Variants in CSMD1 observed in about 807,000 individuals in gnomAD.
The protein encoded by CSMD1 is CUB and sushi domain-containing protein 1.
In CSMD1, 213 loss-of-function variants were observed where a neutral mutation model predicts 417.5. The observed-to-expected ratio is 0.51, with a 90% confidence interval of 0.46 to 0.57. The LOEUF is 0.57. CSMD1 is among the 20% of genes least tolerant of loss of function. CSMD1 has a pLI of 0.00. For missense variants in CSMD1, 6,923 were observed against 4,529.7 expected (o/e 1.53, Z -15.17); for synonymous variants, 2,862 against 1,736.8 (o/e 1.65, Z -16.11).
At chr8:4,737,323 T>C (rs1212438223) in intron 1 of CSMD1, among the ~76,000 whole-genome samples, 1 of 151,752 alleles carries the variant, frequency 6.6e-6, no homozygotes, top group Non-Finnish European at 1.5e-5. Context: ...CAACACACCC[T>C]GGGATCTTTC....
chr8:3,230,121 G>C lies in CSMD1; in HGVS notation c.4264C>G (p.Gln1422Glu), dbSNP rs1440669985. 5.0e-6 allele frequency: 8 copies of C among 1,613,588 alleles called. No homozygotes were observed. Among genetic ancestry groups the C allele is most frequent in the Non-Finnish European group, 6.8e-6 (8 of 1,179,762 alleles). Residue 1422 changes from glutamine to glutamate, a missense_variant, in exon 27 of 70, where the codon CAG becomes GAG. Physicochemically the swap from Gln to Glu is conservative, Grantham distance 29. Transcript: ENST00000635120. ...GTGATTTTGGCTTGTCCTTGGAGCT[G>C]ATAGCCAGGGTCACACTGGAATGTG... Reference protein sequence around the residue: ...TVTFQCDPGYQLQGQAKITCV... With the variant: ...TVTFQCDPGYELQGQAKITCV...
intron 6 of CSMD1, among the ~76,000 whole-genome samples, chr8:3,739,375 C>T (rs966976016): frequency 3.3e-5 from 5 of 152,266 alleles, no homozygotes; most frequent in Non-Finnish European, 7.4e-5. Flanking sequence ...ACTTATTACA[C>T]GTTTACAAAT....
chr8:4,025,119 T>G (rs1019840473), intron 4 of CSMD1, among the ~76,000 whole-genome samples: 1 of 152,234 alleles, frequency 6.6e-6, no homozygotes, highest in South Asian at 2.1e-4. Flanking sequence ...CCGAAGGGGC[T>G]GCAAGAGATG....
chr8:3,665,125 G>T (rs941628432), intron 7 of CSMD1, among the ~76,000 whole-genome samples: 1 of 152,116 alleles, frequency 6.6e-6, no homozygotes. Context: ...AGTTTCAGGT[G>T]ATTAGGAATT....
chr8:3,378,978 G>C (rs773542083), intron 18 of CSMD1, among the ~76,000 whole-genome samples: 1 of 152,216 alleles, frequency 6.6e-6, no homozygotes, highest in Non-Finnish European at 1.5e-5. Context: ...GAGATGACAT[G>C]ATTGTATATT....
At chr8:3,912,690 T>G (rs541320039) in intron 5 of CSMD1, among the ~76,000 whole-genome samples, 1 of 152,146 alleles carries the variant, frequency 6.6e-6, no homozygotes, top group Non-Finnish European at 1.5e-5. Context: ...GAGAAATACA[T>G]GCAGAATACG....
intron 17 of CSMD1, among the ~76,000 whole-genome samples, chr8:3,395,184 G>A (rs778669806): frequency 6.6e-6 from 1 of 152,006 alleles, no homozygotes; most frequent in African/African-American, 2.4e-5. Flanking sequence ...CATACGTGTG[G>A]GTATATGTAA....
intron 12 of CSMD1, among the ~76,000 whole-genome samples, chr8:3,432,183 A>G (rs565988208): frequency 6.6e-5 from 10 of 152,202 alleles, no homozygotes; most frequent in Non-Finnish European, 1.2e-4. Context: ...TCTGGGCATT[A>G]TAATCAGGAA....
At chr8:4,064,139 G>A (rs1046411599) in intron 3 of CSMD1, among the ~76,000 whole-genome samples, 6 of 152,138 alleles carry the variant, frequency 3.9e-5, no homozygotes, top group Non-Finnish European at 8.8e-5. Flanking sequence ...TTCTGCCTCT[G>A]ATGTAAAGTT....
chr8:4,439,415 A>G (rs73660805), intron 2 of CSMD1, among the ~76,000 whole-genome samples: 1 of 152,136 alleles, frequency 6.6e-6, no homozygotes, highest in East Asian at 1.9e-4. Flanking sequence ...TTATTACTTA[A>G]TATTTAATAA....
In CSMD1 at chr8:4,493,251, T is replaced by C. The variant is rs1232738863; in HGVS notation, c.303-73186A>G. Among the ~76,000 whole-genome samples the C allele has an allele frequency of 3.9e-5, 6 of 152,152 alleles. No individual in the cohort carries two copies. The South Asian group carries it at 8.3e-4, about 21-fold the overall frequency. On this transcript the variant is annotated intron_variant, in intron 2 of 69. Coordinates refer to ENST00000635120, the MANE Select transcript of CSMD1 (RefSeq NM_033225.6). ...TAGGTAAAATAATTTAAGATTGTCTTAACAAATAATTGTCATTCTTCCTAA... is the reference window on the plus strand; with the variant it reads ...TAGGTAAAATAATTTAAGATTGTCTCAACAAATAATTGTCATTCTTCCTAA...
rs948204761 is a variant in CSMD1 at position 3,431,230 on chromosome 8, G to C, written c.1562-21625C>G. 2.6e-5 allele frequency among the ~76,000 whole-genome samples: 4 copies of C among 152,112 alleles called. No individual in the cohort carries two copies. In the East Asian group the frequency reaches 7.7e-4, roughly 29 times the overall value. The stretch of plus-strand genomic sequence containing the variant: ...CACTAAGACACAGGTCCATGCAACA[G>C]CTGAAACTCCCCATCCCTCACCTTC... On this transcript the variant is annotated intron_variant, in intron 12 of 69. Transcript: ENST00000635120.
At chr8:4,724,228 C>A (rs1342977837) in intron 1 of CSMD1, among the ~76,000 whole-genome samples, 1 of 151,954 alleles carries the variant, frequency 6.6e-6, no homozygotes, top group African/African-American at 2.4e-5. Flanking sequence ...ATTAACCTTG[C>A]AGTTTTAAGA....
At chr8:2,984,324 C>A (rs1021621911) in intron 54 of CSMD1, among the ~76,000 whole-genome samples, 11 of 152,102 alleles carry the variant, frequency 7.2e-5, no homozygotes, top group South Asian at 2.1e-4. Context: ...TTTAAAGAAA[C>A]CTGTGCGTTG....
rs531607445 is a variant in CSMD1, at chr8:4,243,615, C to T, written c.415+176338G>A. On this transcript the variant is annotated intron_variant, in intron 3 of 69. Coordinates refer to ENST00000635120, the MANE Select transcript of CSMD1 (RefSeq NM_033225.6). ...ATGTCTCCATGACTATTTCCTTAACCACCGAAAACACAGAAAATTATTACA... is the reference window on the plus strand; with the variant it reads ...ATGTCTCCATGACTATTTCCTTAACTACCGAAAACACAGAAAATTATTACA... Among the ~76,000 whole-genome samples, 3 of 152,118 alleles carry T rather than the reference C, an allele frequency of 2.0e-5. No individual in the cohort carries two copies. The South Asian group carries it at 6.3e-4, about 32-fold the overall frequency.
intron 9 of CSMD1, among the ~76,000 whole-genome samples, chr8:3,577,238 T>C (rs1800187820): frequency 7.7e-6 from 1 of 129,612 alleles, no homozygotes; most frequent in African/African-American, 2.7e-5. Flanking sequence ...ATGCATCTCA[T>C]GCATCATATT....
chr8:4,385,116 G>A (rs1009680674), intron 3 of CSMD1, among the ~76,000 whole-genome samples: 9 of 151,976 alleles, frequency 5.9e-5, no homozygotes, highest in South Asian at 2.1e-4. Context: ...TAGAAGAGAC[G>A]GTGTTTCACC....
intron 2 of CSMD1, among the ~76,000 whole-genome samples, chr8:4,573,825 G>T (rs1335226802): frequency 1.3e-5 from 2 of 152,222 alleles, no homozygotes; most frequent in Non-Finnish European, 2.9e-5. Flanking sequence ...CCTGCCTAGG[G>T]AGGAGGAATC....
chr8:3,362,151 C>A (rs1265185908), intron 20 of CSMD1, among the ~76,000 whole-genome samples: 1 of 152,064 alleles, frequency 6.6e-6, no homozygotes, highest in African/African-American at 2.4e-5. Flanking sequence ...GATAAACAAC[C>A]AAAACCACCA....
Sources: allele counts gnomAD v4.1 joint callset (sites outside exome capture counted in the v4.1 genomes callset), GRCh38; gene constraint gnomAD v4.1.1; transcripts MANE v1.5; gene names NCBI Gene and HGNC (gene_info 2026-07-23, HGNC 2026-07-21).